MGST1: variants seen among roughly 807,000 people sequenced by gnomAD.
The protein encoded by MGST1 is microsomal glutathione S-transferase 1, also known as glutathione S-transferase 12.
A neutral mutation model predicts 8.9 loss-of-function variants in MGST1; 5 were observed. The ratio of observed to expected loss-of-function variants is 0.56; its 90% CI spans 0.29 to 1.19. The LOEUF (loss-of-function observed/expected upper bound fraction) is 1.19, where lower values mean the gene tolerates loss of function less well. Ranked by LOEUF, MGST1 falls within the 50% of genes most tolerant of loss-of-function variation. MGST1 has a pLI of 0.08. For synonymous variants in MGST1, 54 were observed against 67.8 expected (o/e 0.80, Z 1.00); for missense variants, 182 against 187.4 (o/e 0.97, Z 0.17).
intron 3 of MGST1, chr12:16,370,105 A>G (rs1940266700): frequency 1.3e-5 from 2 of 152,228 alleles, no homozygotes; most frequent in African/African-American, 4.8e-5. Context: ...TTATGACATT[A>G]TGCAATTAAA....
chr12:16,456,748 T>C (rs1941176984), intron 4 of MGST1, among the ~76,000 whole-genome samples: 1 of 151,932 alleles, frequency 6.6e-6, no homozygotes, highest in Non-Finnish European at 1.5e-5. Flanking sequence ...AAAAGCACCG[T>C]CAACCTTTGG....
In MGST1 at chr12:16,537,437, G is replaced by A. The variant is rs542436330; in HGVS notation, n.483-52091G>A. 6.6e-6 allele frequency among the ~76,000 whole-genome samples: 1 copy of A among 152,276 alleles called. No individual in the cohort carries two copies. Among genetic ancestry groups the A allele is most frequent in the African/African-American group, 2.4e-5 (1 of 41,566 alleles). ...CTACCATTCTGGGATCTGGAGCATGGTGGCCCTCTTCTCACAGCTCCACTA... is the reference window on the plus strand; with the variant it reads ...CTACCATTCTGGGATCTGGAGCATGATGGCCCTCTTCTCACAGCTCCACTA... On this transcript the variant is annotated intron_variant and non_coding_transcript_variant, in intron 4 of 4. Coordinates refer to the MGST1 transcript ENST00000538857. The surrounding 1 kb of genome is among the most constrained non-coding windows in gnomAD (Gnocchi z 4.6).
intron 4 of MGST1, among the ~76,000 whole-genome samples, chr12:16,474,807 G>A (rs1179087804): frequency 6.6e-6 from 1 of 152,176 alleles, no homozygotes; most frequent in Admixed American, 6.5e-5. Flanking sequence ...TAGTGTGTTT[G>A]TGCATGGTGT....
intron 1 of MGST1, among the ~76,000 whole-genome samples, chr12:16,403,101 C>T (rs1348408563): frequency 1.3e-5 from 2 of 151,930 alleles, no homozygotes; most frequent in Admixed American, 1.3e-4. Context: ...CTTTCAACTT[C>T]GTAATATGAA....
At chr12:16,481,406 A>T (rs1941363618) in intron 4 of MGST1, among the ~76,000 whole-genome samples, 1 of 152,182 alleles carries the variant, frequency 6.6e-6, no homozygotes, top group African/African-American at 2.4e-5. Flanking sequence ...ACCCCAAAGA[A>T]TTTCTCTGTT....
At chr12:16,403,540 T>A (rs1940676874) in intron 1 of MGST1, among the ~76,000 whole-genome samples, 1 of 152,210 alleles carries the variant, frequency 6.6e-6, no homozygotes, top group South Asian at 2.1e-4. Flanking sequence ...AATTGCTGTT[T>A]TCACCATTTT....
chr12:16,476,232 A>G (rs1052610083), intron 4 of MGST1, among the ~76,000 whole-genome samples: 5 of 152,216 alleles, frequency 3.3e-5, no homozygotes, highest in African/African-American at 1.2e-4. Context: ...GCTAGCTGAC[A>G]TCAAACACTA....
At chr12:16,402,315 G>A (rs1290177955) in intron 1 of MGST1, 28 of 1,595,224 alleles carry the variant, frequency 1.8e-5, no homozygotes, top group African/African-American at 2.7e-5. Context: ...ACCCACTGAT[G>A]CAACAATGGC....
intron 4 of MGST1, among the ~76,000 whole-genome samples, chr12:16,459,584 T>C (rs1401601906): frequency 1.3e-5 from 2 of 152,084 alleles, no homozygotes; most frequent in Admixed American, 6.6e-5. Context: ...TATTTTTGGA[T>C]CTTCCTTGCT....
chr12:16,551,198 T>C (rs1941977741), intron 4 of MGST1: 1 of 1,397,308 alleles, frequency 7.2e-7, no homozygotes, highest in African/African-American at 1.4e-5. Flanking sequence ...TGCTTTGTAT[T>C]CTTAATGGGG....
Position 16,500,483 on chromosome 12 carries a change from T to G in MGST1, n.483-89045T>G, listed in dbSNP as rs1038619136. Among the ~76,000 whole-genome samples, 2 of 152,250 alleles carry G rather than the reference T, an allele frequency of 1.3e-5. No homozygotes were observed. The highest frequency in any genetic ancestry group is 3.2e-3 in the Middle Eastern group (1 of 316). On this transcript the variant is annotated intron_variant and non_coding_transcript_variant, in intron 4 of 4. Coordinates refer to the MGST1 transcript ENST00000538857. The surrounding 1 kb of genome is among the most constrained non-coding windows in gnomAD (Gnocchi z 4.3). ...TTAGATTACATTACATTTACAGTTTTATTTCATTTTGTAAAGTTTCATTTC... is the reference window on the plus strand; with the variant it reads ...TTAGATTACATTACATTTACAGTTTGATTTCATTTTGTAAAGTTTCATTTC...
Position 16,513,968 on chromosome 12 carries a change from AG to A in MGST1, n.483-75558del. ...GGTTTTGACTTCACAGACACTGTGG[AG>A]GACATTTCAAAAACACCAGAGCAAA... is the stretch of plus-strand genomic sequence containing the variant. On this transcript the variant is annotated intron_variant and non_coding_transcript_variant, in intron 4 of 4. Transcript: ENST00000538857. The surrounding 1 kb of genome is among the most constrained non-coding windows in gnomAD (Gnocchi z 4.2). The A allele has an allele frequency of 2.0e-6, 1 of 489,336 alleles. No homozygotes were observed. Among genetic ancestry groups the A allele is most frequent in the Non-Finnish European group, 4.0e-6 (1 of 251,252 alleles). The allele number at this position is 489,336 out of a possible 1,614,324, so 30.3% of individuals were successfully genotyped here.
At chr12:16,457,871 A>G (rs1285647321) in intron 4 of MGST1, among the ~76,000 whole-genome samples, 1 of 151,972 alleles carries the variant, frequency 6.6e-6, no homozygotes, top group African/African-American at 2.4e-5. Flanking sequence ...TCTGAAACAT[A>G]TTCTTTGAAA....
intron 3 of MGST1, among the ~76,000 whole-genome samples, chr12:16,371,454 A>G (rs1940292029): frequency 6.6e-6 from 1 of 152,110 alleles, no homozygotes; most frequent in Non-Finnish European, 1.5e-5. Context: ...GAAACGACTG[A>G]ACTCATATTA....
At chr12:16,558,072 G>T (rs979455627) in intron 4 of MGST1, among the ~76,000 whole-genome samples, 1 of 151,958 alleles carries the variant, frequency 6.6e-6, no homozygotes, top group Non-Finnish European at 1.5e-5. Flanking sequence ...TATCTTAAAA[G>T]AATTTTTAAT....
rs564783115 is a variant in MGST1 at position 16,399,646 on chromosome 12, C to T, written n.778+16042C>T. On this transcript the variant is annotated intron_variant and non_coding_transcript_variant, in intron 1 of 1. Coordinates refer to the MGST1 transcript ENST00000359720. ...CCTTCTTCAGCATCACTCCCCTCAT[C>T]GTCAGGCTCCAGAAAAGACCAGACA... 3.6e-5 allele frequency: 57 copies of T among 1,597,744 alleles called. No homozygotes were observed. In the East Asian group the frequency reaches 3.6e-4, roughly 10 times the overall value.
intron 4 of MGST1, among the ~76,000 whole-genome samples, chr12:16,522,924 CCA>C (rs1424961773): frequency 6.6e-6 from 1 of 151,960 alleles, no homozygotes; most frequent in Non-Finnish European, 1.5e-5. Context: ...TGAAAATTCC[CCA>C]CAGTGGCAAT....
chr12:16,502,795 A>G (rs192240967), intron 4 of MGST1, among the ~76,000 whole-genome samples: 1 of 152,302 alleles, frequency 6.6e-6, no homozygotes, highest in East Asian at 1.9e-4. Context: ...ACATATATAA[A>G]TTGCTTGTTT....
rs1356803510 is a variant in MGST1 at position 16,585,578 on chromosome 12, G to A, written n.483-3950G>A. 6.6e-6 allele frequency among the ~76,000 whole-genome samples: 1 copy of A among 152,064 alleles called. No homozygotes were observed. Among genetic ancestry groups the A allele is most frequent in the African/African-American group, 2.4e-5 (1 of 41,394 alleles). ...CTAAATTCCTCTCACTCAGCTATCT[G>A]AGCATCTCTCATGCATCAGGCCCTA... On this transcript the variant is annotated intron_variant and non_coding_transcript_variant, in intron 4 of 4. Coordinates refer to the MGST1 transcript ENST00000538857. This position sits in a 1 kb window ranked among gnomAD's most constrained non-coding sequence, Gnocchi z 4.7.
Sources: allele counts gnomAD v4.1 joint callset (sites outside exome capture counted in the v4.1 genomes callset), GRCh38; gene constraint gnomAD v4.1.1; non-coding constraint Gnocchi (gnomAD v3.1); transcripts MANE v1.5; gene names NCBI Gene and HGNC (gene_info 2026-07-23, HGNC 2026-07-21).